The following PTPRK variants were observed in gnomAD, a reference collection of about 807,000 sequenced individuals.
PTPRK encodes the protein receptor-type tyrosine-protein phosphatase kappa.
In PTPRK, 75 loss-of-function variants were observed where a neutral mutation model predicts 178.0. The ratio of observed to expected loss-of-function variants is 0.42; its 90% CI spans 0.35 to 0.51. PTPRK has a LOEUF of 0.51. Among genes scored for constraint, PTPRK ranks in the 20% least tolerant of loss-of-function variants. The pLI is 0.02. For synonymous variants in PTPRK, 637 were observed against 620.6 expected (o/e 1.03, Z -0.39); for missense variants, 1,441 against 1,797.8 (o/e 0.80, Z 3.59).
At chr6:128,298,192 C>G (rs1456369650) in intron 3 of PTPRK, among the ~76,000 whole-genome samples, 3 of 152,150 alleles carry the variant, frequency 2.0e-5, no homozygotes, top group Admixed American at 2.0e-4. Context: ...GAAGTTGACT[C>G]TCTGAATAGA....
intron 6 of PTPRK, among the ~76,000 whole-genome samples, chr6:128,204,877 C>T (rs1000335207): frequency 1.3e-5 from 2 of 152,128 alleles, no homozygotes; most frequent in Non-Finnish European, 2.9e-5. Context: ...GACCTAGAGG[C>T]AGAAATACCA....
At chr6:128,149,056 G>C (rs1321071548) in intron 7 of PTPRK, among the ~76,000 whole-genome samples, 1 of 151,382 alleles carries the variant, frequency 6.6e-6, no homozygotes, top group Admixed American at 6.6e-5. Context: ...AGAGAACCAT[G>C]AACCAAATCA....
intron 21 of PTPRK, among the ~76,000 whole-genome samples, chr6:127,989,995 T>C (rs9375543): frequency 0.41 from 61,814 of 151,898 alleles, 12,563 homozygotes; most frequent in East Asian, 0.44. Flanking sequence ...TTACTATATT[T>C]CACTTTAGTC....
In PTPRK at chr6:128,219,060, T is replaced by C. The variant is rs1439009896; in HGVS notation, c.730A>G (p.Lys244Glu). Reference protein sequence around the residue: ...NGEDIPVAQTKNINHRRFAAS... With the variant: ...NGEDIPVAQTENINHRRFAAS... The stretch of plus-strand genomic sequence containing the variant: ...GCAAACCTTCTATGATTGATGTTCT[T>C]AGTCTGGGCTACTGGTATATCTTCT... The change falls in exon 6 of 30, where the codon AAG becomes GAG. Residue 244 changes from lysine (K) to glutamate (E), a missense_variant. By Grantham distance (56) the Lys-to-Glu change is moderately conservative (BLOSUM62 1). Transcript: ENST00000368226. 92 of 1,614,026 alleles carry C rather than the reference T, an allele frequency of 5.7e-5. No homozygotes were observed. Among genetic ancestry groups the C allele is most frequent in the Non-Finnish European group, 7.4e-5 (87 of 1,179,912 alleles).
chr6:128,281,367 A>C (rs142114237), intron 3 of PTPRK, among the ~76,000 whole-genome samples: 13 of 152,350 alleles, frequency 8.5e-5, no homozygotes, highest in African/African-American at 2.9e-4. Flanking sequence ...CGCATATTTT[A>C]GGAAGAATAT....
intron 1 of PTPRK, among the ~76,000 whole-genome samples, chr6:128,473,719 A>G (rs759873086): frequency 1.2e-4 from 19 of 152,050 alleles, no homozygotes; most frequent in Non-Finnish European, 2.4e-4. Context: ...AGTCTCTCAG[A>G]GTACAGAATG....
chr6:128,427,145 C>T (rs1238181175), intron 1 of PTPRK, among the ~76,000 whole-genome samples: 1 of 152,216 alleles, frequency 6.6e-6, no homozygotes, highest in Non-Finnish European at 1.5e-5. Flanking sequence ...AGCTAACACT[C>T]AGTGCCACTC....
At chr6:128,443,298 G>T (rs932536816) in intron 1 of PTPRK, among the ~76,000 whole-genome samples, 1 of 152,048 alleles carries the variant, frequency 6.6e-6, no homozygotes, top group Admixed American at 6.6e-5. Flanking sequence ...GGTACCTGGA[G>T]GAGGGAGACG....
intron 7 of PTPRK, among the ~76,000 whole-genome samples, chr6:128,132,271 T>A (rs1008805873): frequency 1.3e-5 from 2 of 152,108 alleles, no homozygotes; most frequent in Non-Finnish European, 2.9e-5. Flanking sequence ...GCCTGCCGGG[T>A]TCATGCCATT....
chr6:128,140,817 T>C (rs940730288), intron 7 of PTPRK, among the ~76,000 whole-genome samples: 3 of 151,948 alleles, frequency 2.0e-5, no homozygotes, highest in Non-Finnish European at 4.4e-5. Flanking sequence ...TCATTTTAAA[T>C]AAATAGTTTT....
chr6:128,464,458 T>C lies in PTPRK; in HGVS notation c.100+55801A>G, dbSNP rs529321890. Among the ~76,000 whole-genome samples the C allele has an allele frequency of 2.0e-5, 3 of 151,434 alleles. No homozygotes were observed. The South Asian group carries it at 6.3e-4, about 32-fold the overall frequency. Reference sequence around the variant, plus strand: ...AGGAGATATAAAAGGAAGGAAAAAGTTAATTTGGAAAAAATCAACAAAGCA... The same window carrying C: ...AGGAGATATAAAAGGAAGGAAAAAGCTAATTTGGAAAAAATCAACAAAGCA... On this transcript the variant is annotated intron_variant, in intron 1 of 29. Transcript: ENST00000368226.
chr6:128,030,658 A>T (rs1174971320), intron 13 of PTPRK, among the ~76,000 whole-genome samples: 1 of 152,200 alleles, frequency 6.6e-6, no homozygotes, highest in Non-Finnish European at 1.5e-5. Context: ...TCATTTCCAC[A>T]GAACAACTCC....
intron 3 of PTPRK, 102 bp downstream of exon 3, chr6:128,321,921 GGGGGAGGCAAGAGGGC>G: frequency 7.7e-7 from 1 of 1,303,596 alleles, no homozygotes. Flanking sequence ...TAATGGGGGT[GGGGGAGGCAAGAGGGC>G]AATCTCTCAT....
At chr6:127,991,612 T>C (rs1382646005) in intron 19 of PTPRK, among the ~76,000 whole-genome samples, 1 of 148,662 alleles carries the variant, frequency 6.7e-6, no homozygotes, top group African/African-American at 2.5e-5. Context: ...ATTTGCCCTC[T>C]ACACTTCCCA....
chr6:128,350,532 C>A (rs1832982799), intron 2 of PTPRK, among the ~76,000 whole-genome samples: 1 of 152,134 alleles, frequency 6.6e-6, no homozygotes, highest in Admixed American at 6.6e-5. Flanking sequence ...TATGCTAGAT[C>A]AAGGCTTCCA....
chr6:128,273,088 TCTGA>T (rs1820131845), intron 3 of PTPRK, among the ~76,000 whole-genome samples: 1 of 151,932 alleles, frequency 6.6e-6, no homozygotes, highest in African/African-American at 2.4e-5. Flanking sequence ...AAACCATCAT[TCTGA>T]CTATCGCAAG....
At chr6:127,994,121 C>A (rs1159368567) in intron 18 of PTPRK, among the ~76,000 whole-genome samples, 9 of 151,538 alleles carry the variant, frequency 5.9e-5, no homozygotes, top group Admixed American at 5.9e-4. Flanking sequence ...AAATTGAACT[C>A]ATATACTCAT....
chr6:128,215,032 A>T (rs1808999503), intron 6 of PTPRK, among the ~76,000 whole-genome samples: 1 of 152,208 alleles, frequency 6.6e-6, no homozygotes, highest in East Asian at 1.9e-4. Context: ...ATGACTAGTA[A>T]TTGACACTAA....
chr6:128,455,453 C>T lies in PTPRK; in HGVS notation c.101-57765G>A, dbSNP rs548195315. ...TGAGATATGCTCAAATTTGGAAAGA[C>T]GCTCCCCTTTTAATACTGAAAACAG... On this transcript the variant is annotated intron_variant, in intron 1 of 29. Coordinates refer to ENST00000368226, the MANE Select transcript of PTPRK (RefSeq NM_002844.4). Among the ~76,000 whole-genome samples the T allele has an allele frequency of 5.9e-5, 9 of 152,182 alleles. No homozygotes were observed. The South Asian group carries it at 6.2e-4, about 11-fold the overall frequency.
Sources: allele counts gnomAD v4.1 joint callset (sites outside exome capture counted in the v4.1 genomes callset), GRCh38; gene constraint gnomAD v4.1.1; transcripts MANE v1.5; gene names NCBI Gene and HGNC (gene_info 2026-07-23, HGNC 2026-07-21).